The following PFKP variants were observed in gnomAD, a reference collection of about 807,000 sequenced individuals.
PFKP encodes the protein ATP-dependent 6-phosphofructokinase, platelet type.
Under a neutral mutation model 94.3 loss-of-function variants are expected in PFKP, and 101 were observed. The observed-to-expected ratio is 1.07, with a 90% CI of 0.91 to 1.26. The LOEUF is 1.26. Ranked by LOEUF, PFKP falls within the 50% of genes most tolerant of loss-of-function variation. PFKP has a pLI of 0.00. For synonymous variants in PFKP, 573 were observed against 432.6 expected, an observed-to-expected ratio of 1.32 and a Z score of -4.03; for missense variants, 1,145 against 1,103.3, an observed-to-expected ratio of 1.04 and a Z score of -0.53.
chr10:3,128,200 G>A (rs1838164662), intron 16 of PFKP, among the ~76,000 whole-genome samples: 1 of 152,200 alleles, frequency 6.6e-6, no homozygotes, highest in African/African-American at 2.4e-5. Context: ...TGCTGATGGT[G>A]CACTGGTGTA....
chr10:3,131,648 G>C (rs571485993), intron 17 of PFKP, among the ~76,000 whole-genome samples: 2 of 151,928 alleles, frequency 1.3e-5, no homozygotes, highest in African/African-American at 4.8e-5. Context: ...AGTAGAGACG[G>C]GGGTTTCACC....
In PFKP at chr10:3,105,157, T is replaced by C. The variant is rs1475546546; in HGVS notation, c.663T>C (p.Cys221=). ...TFVLEVMGRH[C]GYLALVSALA... ...TTCTGGAGGTGATGGGACGACACTG[T>C]GGGTACGTACCTGCGGTGGGTCCGG... is the stretch of plus-strand genomic sequence containing the variant. The change falls in exon 6 of 22, where the codon TGT becomes TGC. Residue 221 remains cysteine (C), a splice_region_variant and synonymous_variant. Coordinates refer to ENST00000381125, the MANE Select transcript of PFKP (RefSeq NM_002627.5). 1.2e-6 allele frequency: 2 copies of C among 1,613,682 alleles called. No individual in the cohort carries two copies. The highest frequency in any genetic ancestry group is 1.7e-6 in the Non-Finnish European group (2 of 1,179,722).
chr10:3,128,644 CCTT>C (rs1838217503), intron 16 of PFKP, among the ~76,000 whole-genome samples: 1 of 152,240 alleles, frequency 6.6e-6, no homozygotes, highest in South Asian at 2.1e-4. Context: ...GGCGCCTCCT[CCTT>C]CCATGTGGGT....
chr10:3,120,218 T>A (rs3814588), intron 16 of PFKP, among the ~76,000 whole-genome samples, 174 bp downstream of exon 16: 79,949 of 152,022 alleles, frequency 0.53, 22,231 homozygotes, highest in Non-Finnish European at 0.62. Flanking sequence ...AAATTTTTGA[T>A]CTCACTCCCA....
In PFKP at chr10:3,103,921, C is replaced by T. The variant is rs147858121; in HGVS notation, c.597C>T (p.Asp199=). 120 of 1,613,706 alleles carry T rather than the reference C, an allele frequency of 7.4e-5. No individual in the cohort carries two copies. Among genetic ancestry groups the T allele is most frequent in the Non-Finnish European group, 8.8e-5 (104 of 1,180,032 alleles). ...SALHRIIEVV[D]AIMTTAQSHQ... is the part of the protein sequence containing the mutation. The stretch of plus-strand genomic sequence containing the variant: ...TGCACAGGATCATCGAGGTCGTCGA[C>T]GCCATCATGACCACGGCCCAGAGGT... Residue 199 remains aspartate, a synonymous_variant, in exon 5 of 22, where the codon GAC becomes GAT. Transcript: ENST00000381125.
chr10:3,100,084 TGA>T (rs1491095617), intron 3 of PFKP, among the ~76,000 whole-genome samples: 3,426 of 145,972 alleles, frequency 0.023, 46 homozygotes, highest in Non-Finnish European at 0.027. Flanking sequence ...TGTGTGTGTG[TGA>T]AAGAGAGTGA....
At chr10:3,097,580 G>T (rs1046927899) in intron 2 of PFKP, among the ~76,000 whole-genome samples, 3 of 152,182 alleles carry the variant, frequency 2.0e-5, no homozygotes, top group African/African-American at 7.2e-5. Flanking sequence ...CCAGGGCCTG[G>T]GTGCCTGGGG....
intron 16 of PFKP, among the ~76,000 whole-genome samples, chr10:3,120,369 CTGTG>C (rs3841457): frequency 0.23 from 24,975 of 108,334 alleles, 2,232 homozygotes; most frequent in African/African-American, 0.28. Flanking sequence ...TTAAAAATCG[CTGTG>C]TGTGTGTGTG....
intron 13 of PFKP, among the ~76,000 whole-genome samples, chr10:3,115,544 G>GGT (rs1262182238): frequency 3.3e-5 from 5 of 151,304 alleles, no homozygotes; most frequent in Middle Eastern, 3.2e-3. Context: ...GGGATGCCAG[G>GGT]GTGAAGGTGT....
chr10:3,089,939 C>G (rs1588432067), intron 2 of PFKP, among the ~76,000 whole-genome samples: 1 of 152,174 alleles, frequency 6.6e-6, no homozygotes. Context: ...AATCCTAACT[C>G]TGTCTTCATG....
rs756929427 is a variant in PFKP, at chr10:3,107,305, A to G, written c.866A>G (p.Lys289Arg). 1 of 1,582,842 alleles carries G rather than the reference A, an allele frequency of 6.3e-7. No individual in the cohort carries two copies. The highest frequency in any genetic ancestry group is 1.1e-5 in the South Asian group (1 of 90,322). Residue 289 changes from lysine to arginine, a missense_variant, in exon 8 of 22, where the codon AAA becomes AGA. By Grantham distance (26) the Lys-to-Arg change is conservative (BLOSUM62 2). Transcript: ENST00000381125. Reference sequence around the variant, plus strand: ...AAACCCATCACCTCTGAGAAAATCAAAGAGGTGAGTGTGTGTAGCTGCTCA... The same window carrying G: ...AAACCCATCACCTCTGAGAAAATCAGAGAGGTGAGTGTGTGTAGCTGCTCA... ...QNKPITSEKI[K>R]ELVVTQLGYD...
At chr10:3,126,642 C>G (rs1380282741) in intron 16 of PFKP, among the ~76,000 whole-genome samples, 1 of 152,232 alleles carries the variant, frequency 6.6e-6, no homozygotes, top group African/African-American at 2.4e-5. Flanking sequence ...AACTGGCCTC[C>G]CTGCAGATTC....
At chr10:3,072,095 A>G (rs1832240756) in intron 1 of PFKP, among the ~76,000 whole-genome samples, 1 of 152,220 alleles carries the variant, frequency 6.6e-6, no homozygotes, top group South Asian at 2.1e-4. Context: ...CCTGCCTGGA[A>G]TCTCCACTGA....
At chr10:3,121,691 C>T (rs540545663) in intron 16 of PFKP, among the ~76,000 whole-genome samples, 2 of 151,114 alleles carry the variant, frequency 1.3e-5, no homozygotes, top group African/African-American at 4.9e-5. Context: ...TCATTTCCAC[C>T]TGCTTTTACT....
chr10:3,112,286 G>T lies in PFKP; in HGVS notation c.1154G>T (p.Arg385Met). ...CAAGATGCGGTTCGACTCCGAGGGA[G>T]GTGAGGTGCTTTGGAGAAAGCTCTG... ...RFQDAVRLRG[R>M]SFAGNLNTYK... Residue 385 changes from arginine to methionine, a missense_variant and splice_region_variant, in exon 11 of 22, where the codon AGG (arginine) becomes ATG (methionine). This residue lies in a region of PFKP where 1,119 missense variants were observed against 1,062.8 expected (regional missense o/e 1.05). Coordinates refer to ENST00000381125, the MANE Select transcript of PFKP (RefSeq NM_002627.5). 1.2e-6 allele frequency: 2 copies of T among 1,612,192 alleles called. No homozygotes were observed. The highest frequency in any genetic ancestry group is 1.7e-6 in the Non-Finnish European group (2 of 1,178,196).
At chr10:3,095,114 A>G (rs1588445498) in intron 2 of PFKP, among the ~76,000 whole-genome samples, 1 of 152,208 alleles carries the variant, frequency 6.6e-6, no homozygotes, top group Non-Finnish European at 1.5e-5. Flanking sequence ...GAGAAGACAC[A>G]TGGACCCATG....
At chr10:3,084,620 G>A (rs1338397496) in intron 2 of PFKP, among the ~76,000 whole-genome samples, 1 of 151,910 alleles carries the variant, frequency 6.6e-6, no homozygotes, top group East Asian at 1.9e-4. Flanking sequence ...TTCCCTGCCT[G>A]GACCCTGGCC....
intron 1 of PFKP, among the ~76,000 whole-genome samples, chr10:3,080,631 G>A (rs117091500): frequency 0.038 from 5,779 of 151,974 alleles, 156 homozygotes; most frequent in East Asian, 0.1. Flanking sequence ...CAGCCCAACA[G>A]CAAGGCACCG....
rs143712669 is a variant in PFKP at position 3,133,293 on chromosome 10, C to T, written c.2001C>T (p.Asn667=). The T allele has an allele frequency of 8.2e-5, 132 of 1,612,878 alleles. No homozygotes were observed. In the African/African-American group the frequency reaches 1.1e-3, roughly 14 times the overall value. ...AAGGCGTGTTTGACTGCAGGAAGAA[C>T]GTGCTGGGTCACATGCAGCAGGTAG... ...EGKGVFDCRK[N]VLGHMQQGGA... The change falls in exon 19 of 22, where the codon AAC becomes AAT. Residue 667 remains asparagine, a synonymous_variant. Transcript: ENST00000381125.
Sources: allele counts gnomAD v4.1 joint callset (sites outside exome capture counted in the v4.1 genomes callset), GRCh38; gene constraint gnomAD v4.1.1; regional missense constraint gnomAD v4.1.1; transcripts MANE v1.5; gene names NCBI Gene and HGNC (gene_info 2026-07-23, HGNC 2026-07-21).